Variants in SRRM4 observed in about 807,000 individuals in gnomAD.
SRRM4 encodes serine/arginine repetitive matrix protein 4.
In SRRM4, 33 loss-of-function variants were observed where a neutral mutation model predicts 68.9. The observed-to-expected ratio is 0.48, with a 90% CI of 0.36 to 0.64. The LOEUF (loss-of-function observed/expected upper bound fraction) is 0.64. Ranked by LOEUF, SRRM4 falls within the 30% of genes least tolerant of loss-of-function variation. SRRM4 has a pLI of 0.00. For missense variants in SRRM4, 817 were observed against 827.1 expected (o/e 0.99, Z 0.15); for synonymous variants, 318 against 318.8 (o/e 1.00, Z 0.03).
At chr12:118,993,706 C>A (rs1207885158) in intron 1 of SRRM4, among the ~76,000 whole-genome samples, 1 of 152,190 alleles carries the variant, frequency 6.6e-6, no homozygotes, top group Non-Finnish European at 1.5e-5. Flanking sequence ...GCCCAACCCT[C>A]CCTAACTCTT....
chr12:118,988,688 T>G (rs149026809), intron 1 of SRRM4, among the ~76,000 whole-genome samples: 2 of 152,368 alleles, frequency 1.3e-5, no homozygotes, highest in African/African-American at 4.8e-5. Context: ...TTCAACATTT[T>G]TATTGAACCA....
chr12:119,126,172 C>T (rs1300949626), intron 7 of SRRM4, among the ~76,000 whole-genome samples: 5 of 151,508 alleles, frequency 3.3e-5, no homozygotes, highest in East Asian at 2.0e-4. Context: ...TACAGGCGCC[C>T]GCCACCACAC....
At chr12:119,056,455 C>T (rs1953777373) in intron 1 of SRRM4, among the ~76,000 whole-genome samples, 1 of 152,130 alleles carries the variant, frequency 6.6e-6, no homozygotes. Flanking sequence ...GAAGCTTTAC[C>T]ATTGATTAAG....
chr12:119,130,616 C>A (rs7298308), intron 7 of SRRM4, 62 bp from the exon 8 acceptor site: 1 of 1,521,162 alleles, frequency 6.6e-7, no homozygotes, highest in Non-Finnish European at 8.9e-7. Context: ...GTTGGTCCTG[C>A]ATACATCTCC....
At chr12:119,112,975 A>AT in intron 2 of SRRM4, among the ~76,000 whole-genome samples, 1 of 151,506 alleles carries the variant, frequency 6.6e-6, no homozygotes, top group Non-Finnish European at 1.5e-5. Context: ...TAAAATTAAA[A>AT]TTAAAAAAAA....
At chr12:119,026,333 G>A (rs1594032711) in intron 1 of SRRM4, among the ~76,000 whole-genome samples, 1 of 151,794 alleles carries the variant, frequency 6.6e-6, no homozygotes, top group East Asian at 1.9e-4. Flanking sequence ...TAGAGAAATG[G>A]ACAATTTGAA....
chr12:119,134,063 C>T (rs1690613039), intron 8 of SRRM4, among the ~76,000 whole-genome samples: 2 of 152,118 alleles, frequency 1.3e-5, no homozygotes, highest in African/African-American at 4.8e-5. Context: ...AAGATATGGG[C>T]TCTGGAGGTA....
At chr12:119,095,975 A>G (rs990357504) in intron 1 of SRRM4, among the ~76,000 whole-genome samples, 79 of 151,022 alleles carry the variant, frequency 5.2e-4, no homozygotes, top group Non-Finnish European at 7.8e-4. Flanking sequence ...AAAAAAAAAA[A>G]AAAGAAAATG....
intron 12 of SRRM4, 33 bp from the exon 13 acceptor site, chr12:119,156,462 G>C: frequency 5.2e-6 from 8 of 1,551,220 alleles, no homozygotes; most frequent in East Asian, 2.3e-5. Context: ...CGGAGGGGCC[G>C]GCCCTCATCC....
chr12:119,015,946 C>G (rs1245637805), intron 1 of SRRM4, among the ~76,000 whole-genome samples: 5 of 152,040 alleles, frequency 3.3e-5, no homozygotes, highest in Admixed American at 2.6e-4. Flanking sequence ...TTCATGCCCA[C>G]CAAGAACCTT....
chr12:119,144,447 GGT>G (rs1207895394), intron 8 of SRRM4: 1 of 152,100 alleles, frequency 6.6e-6, no homozygotes, highest in Non-Finnish European at 1.5e-5. Context: ...TGTGCAGAAA[GGT>G]GTGTGTTTTT....
chr12:119,104,194 G>A (rs1014291751), intron 2 of SRRM4, among the ~76,000 whole-genome samples: 1 of 152,134 alleles, frequency 6.6e-6, no homozygotes, highest in African/African-American at 2.4e-5. Flanking sequence ...GACTAGGCAT[G>A]TACAGATTGT....
chr12:119,119,156 G>A (rs903718783), intron 4 of SRRM4, among the ~76,000 whole-genome samples: 1 of 151,498 alleles, frequency 6.6e-6, no homozygotes, highest in Admixed American at 6.6e-5. Flanking sequence ...CTAGGTGATG[G>A]GTTGATAGGT....
intron 1 of SRRM4, among the ~76,000 whole-genome samples, chr12:119,045,757 G>A (rs931509327): frequency 2.6e-5 from 4 of 152,050 alleles, no homozygotes; most frequent in Non-Finnish European, 5.9e-5. Context: ...AAATAATTAG[G>A]CCAGGCATGG....
intron 9 of SRRM4, among the ~76,000 whole-genome samples, chr12:119,147,226 G>A (rs1299176732): frequency 6.6e-6 from 1 of 152,174 alleles, no homozygotes; most frequent in Non-Finnish European, 1.5e-5. Context: ...GTCACACACT[G>A]CATGGCTCCA....
chr12:119,078,736 G>A (rs143001774), intron 1 of SRRM4, among the ~76,000 whole-genome samples: 176 of 152,224 alleles, frequency 1.2e-3, no homozygotes, highest in African/African-American at 4.0e-3. Flanking sequence ...CCTGGGCAAT[G>A]TAGTGTGACC....
At chr12:119,028,129 T>C (rs1214106135) in intron 1 of SRRM4, among the ~76,000 whole-genome samples, 2 of 152,228 alleles carry the variant, frequency 1.3e-5, no homozygotes, top group Non-Finnish European at 2.9e-5. Context: ...GTGGTGGTCT[T>C]AGGATTTGCA....
intron 8 of SRRM4, among the ~76,000 whole-genome samples, chr12:119,143,754 T>A (rs957838739): frequency 2.6e-5 from 4 of 152,176 alleles, no homozygotes; most frequent in African/African-American, 2.4e-5. Context: ...GGATGAGGTC[T>A]ACAGAGACCT....
intron 1 of SRRM4, among the ~76,000 whole-genome samples, chr12:119,032,115 C>A (rs1230036087): frequency 1.3e-5 from 2 of 152,150 alleles, no homozygotes; most frequent in Non-Finnish European, 2.9e-5. Flanking sequence ...TTTCCTCACT[C>A]TTCTCACCTG....
Sources: gnomAD v4.1 joint callset for allele counts (sites outside exome capture counted in the v4.1 genomes callset) on GRCh38, gnomAD v4.1.1 for gene constraint, MANE v1.5 for transcripts, NCBI Gene and HGNC (gene_info 2026-07-23, HGNC 2026-07-21) for gene names.